Variants in CDH13 observed in about 807,000 individuals in gnomAD.
CDH13 encodes cadherin 13.
A neutral mutation model predicts 63.8 loss-of-function variants in CDH13; 24 were observed. That is an observed-to-expected ratio of 0.38 (90% CI 0.27 to 0.53). The LOEUF is 0.53. CDH13 is among the 20% of genes least tolerant of loss of function. The pLI is 0.85. For synonymous variants in CDH13, 503 were observed against 355.3 expected (o/e 1.42, Z -4.67); for missense variants, 1,049 against 903.1 (o/e 1.16, Z -2.07).
intron 6 of CDH13, among the ~76,000 whole-genome samples, chr16:83,393,439 C>T (rs2091826199): frequency 6.6e-6 from 1 of 152,112 alleles, no homozygotes; most frequent in African/African-American, 2.4e-5. Context: ...GAGGAGAAGC[C>T]AGCCCAGAAT....
At chr16:83,149,962 A>G (rs893262690) in intron 4 of CDH13, among the ~76,000 whole-genome samples, 3 of 152,134 alleles carry the variant, frequency 2.0e-5, no homozygotes, top group Non-Finnish European at 4.4e-5. Context: ...CAGCGATGTG[A>G]GATTGTATCT....
At chr16:83,717,323 C>G (rs940300063) in intron 10 of CDH13, among the ~76,000 whole-genome samples, 2 of 152,150 alleles carry the variant, frequency 1.3e-5, no homozygotes, top group African/African-American at 4.8e-5. Context: ...ACTATAATCC[C>G]CTAATCTCCC....
At chr16:83,239,813 G>C (rs1374881152) in intron 5 of CDH13, among the ~76,000 whole-genome samples, 2 of 152,194 alleles carry the variant, frequency 1.3e-5, no homozygotes, top group African/African-American at 4.8e-5. Flanking sequence ...GGCAGGTGAT[G>C]AGAAATGCCC....
At chr16:83,568,767 C>T (rs1904316872) in intron 7 of CDH13, among the ~76,000 whole-genome samples, 1 of 152,172 alleles carries the variant, frequency 6.6e-6, no homozygotes, top group Non-Finnish European at 1.5e-5. Flanking sequence ...TCCCTTTCCT[C>T]CCTCAGTCCC....
chr16:82,929,746 G>C (rs562869341), intron 2 of CDH13, among the ~76,000 whole-genome samples: 69 of 145,732 alleles, frequency 4.7e-4, no homozygotes, highest in Non-Finnish European at 7.7e-4. Flanking sequence ...CTGGTGCCTT[G>C]ATCTTGTACT....
chr16:83,181,843 A>G (rs577527259), intron 4 of CDH13, among the ~76,000 whole-genome samples: 2 of 152,152 alleles, frequency 1.3e-5, no homozygotes. Flanking sequence ...CACAGTTTGC[A>G]TAGATTTCCC....
At chr16:82,830,587 T>C (rs2038491869) in intron 1 of CDH13, among the ~76,000 whole-genome samples, 1 of 152,220 alleles carries the variant, frequency 6.6e-6, no homozygotes, top group African/African-American at 2.4e-5. Flanking sequence ...TGCTCTCTTC[T>C]TTCCTCACAC....
At chr16:82,771,392 C>T (rs35339185) in intron 1 of CDH13, among the ~76,000 whole-genome samples, 1 of 152,046 alleles carries the variant, frequency 6.6e-6, no homozygotes, top group South Asian at 2.1e-4. Flanking sequence ...AAATTGGTAC[C>T]ATTGGACCCA....
At chr16:83,079,322 A>T (rs1230351803) in intron 3 of CDH13, among the ~76,000 whole-genome samples, 1 of 152,140 alleles carries the variant, frequency 6.6e-6, no homozygotes, top group East Asian at 1.9e-4. Context: ...ATGGATGGTT[A>T]TTCATATTCT....
intron 5 of CDH13, among the ~76,000 whole-genome samples, chr16:83,341,885 T>C (rs1037892044): frequency 6.6e-6 from 1 of 152,222 alleles, no homozygotes; most frequent in South Asian, 2.1e-4. Flanking sequence ...CCATGTGTTT[T>C]GTATGGCTAT....
At chr16:83,200,233 A>G (rs1342330485) in intron 4 of CDH13, among the ~76,000 whole-genome samples, 1 of 152,134 alleles carries the variant, frequency 6.6e-6, no homozygotes, top group African/African-American at 2.4e-5. Flanking sequence ...CTTGTCCATC[A>G]CCAGATGAGC....
intron 3 of CDH13, among the ~76,000 whole-genome samples, chr16:83,074,813 G>T (rs1162165555): frequency 6.6e-6 from 1 of 152,192 alleles, no homozygotes; most frequent in East Asian, 1.9e-4. Flanking sequence ...CTGATAAATA[G>T]TCCATATTTT....
chr16:83,534,177 T>C (rs7204282), intron 7 of CDH13, among the ~76,000 whole-genome samples: 58,508 of 152,000 alleles, frequency 0.38, 12,445 homozygotes, highest in Non-Finnish European at 0.47. Context: ...TCTTTAAGGA[T>C]TTACCTATTC....
chr16:83,530,161 G>A (rs2075052491), intron 7 of CDH13, among the ~76,000 whole-genome samples: 1 of 152,130 alleles, frequency 6.6e-6, no homozygotes, highest in Non-Finnish European at 1.5e-5. Flanking sequence ...GCATTTTGGG[G>A]GTGTTCAGCT....
intron 3 of CDH13, among the ~76,000 whole-genome samples, chr16:83,075,150 C>T (rs1434916938): frequency 2.0e-5 from 3 of 152,142 alleles, no homozygotes; most frequent in Non-Finnish European, 4.4e-5. Flanking sequence ...GCTCCAGTTG[C>T]CCACAGTGGA....
chr16:82,908,964 C>A (rs905568196), intron 2 of CDH13, among the ~76,000 whole-genome samples: 1 of 152,022 alleles, frequency 6.6e-6, no homozygotes, highest in Admixed American at 6.6e-5. Flanking sequence ...AAGGGTTCCA[C>A]GGGGCTGACT....
At chr16:83,394,861 G>C (rs1220684977) in intron 6 of CDH13, among the ~76,000 whole-genome samples, 1 of 152,012 alleles carries the variant, frequency 6.6e-6, no homozygotes, top group Non-Finnish European at 1.5e-5. Context: ...GAAAAGTCAA[G>C]GAAGGGCCAG....
At chr16:83,707,573 T>G (rs1050163315) in intron 10 of CDH13, among the ~76,000 whole-genome samples, 1 of 152,096 alleles carries the variant, frequency 6.6e-6, no homozygotes, top group Non-Finnish European at 1.5e-5. Flanking sequence ...ATTATTGAAA[T>G]GTTTAAAATA....
At chr16:83,633,531 G>A (rs1055591974) in intron 8 of CDH13, among the ~76,000 whole-genome samples, 2 of 152,190 alleles carry the variant, frequency 1.3e-5, no homozygotes, top group African/African-American at 2.4e-5. Flanking sequence ...TTGTTTTCAT[G>A]TTGCAGGGAG....
Sources: allele counts gnomAD v4.1 joint callset (sites outside exome capture counted in the v4.1 genomes callset), GRCh38; gene constraint gnomAD v4.1.1; transcripts MANE v1.5; gene names NCBI Gene and HGNC (gene_info 2026-07-23, HGNC 2026-07-21).